THPO: variants seen among roughly 807,000 people sequenced by gnomAD.
THPO encodes the protein thrombopoietin, also known as MPL ligand.
In THPO, 12 loss-of-function variants were observed where a neutral mutation model predicts 17.0. That is an observed-to-expected ratio of 0.71 (90% CI 0.45 to 1.14). The LOEUF is 1.14. Ranked by LOEUF, THPO falls within the 50% of genes most tolerant of loss-of-function variation. THPO has a pLI of 0.00. For missense variants in THPO, 365 were observed against 427.5 expected (o/e 0.85, Z 1.29); for synonymous variants, 188 against 183.0 (o/e 1.03, Z -0.22).
chr3:184,376,321 T>C lies in THPO; in HGVS notation c.-62A>G. 6.2e-7 allele frequency: 1 copy of C among 1,614,140 alleles called. No individual in the cohort carries two copies. Among genetic ancestry groups the C allele is most frequent in the Non-Finnish European group, 8.5e-7 (1 of 1,180,018 alleles). On this transcript the variant is annotated 5_prime_UTR_variant, in exon 2 of 6. Transcript: ENST00000647395. ...TGGGGCCTCTCCCCTGAATCCTTCCTGGGGCCATGGAGGCGGCTTAGGCTC... is the reference window on the plus strand; with the variant it reads ...TGGGGCCTCTCCCCTGAATCCTTCCCGGGGCCATGGAGGCGGCTTAGGCTC...
chr3:184,376,283 G>A lies in THPO; in HGVS notation c.-24C>T, dbSNP rs763130513. Reference sequence around the variant, plus strand: ...ATTCTGGCCGGGGTGTCTGGCTGGCGTGGCTCCCTGTTTGGGGCCTCTCCC... The same window carrying A: ...ATTCTGGCCGGGGTGTCTGGCTGGCATGGCTCCCTGTTTGGGGCCTCTCCC... On this transcript the variant is annotated 5_prime_UTR_variant, in exon 2 of 6. The change creates a new upstream start codon in the 5' untranslated region. Coordinates refer to ENST00000647395, the MANE Select transcript of THPO (RefSeq NM_000460.4). 56 of 1,614,090 alleles carry A rather than the reference G, an allele frequency of 3.5e-5. No homozygotes were observed. The highest frequency in any genetic ancestry group is 4.0e-5 in the Non-Finnish European group (47 of 1,180,050).
intron 4 of THPO, 84 bp downstream of exon 4, chr3:184,375,431 C>G (rs886839008): frequency 7.0e-7 from 1 of 1,424,922 alleles, no homozygotes; most frequent in African/African-American, 1.4e-5. Context: ...TTAAAAAGCT[C>G]AAGAATGTTG....
chr3:184,378,663 T>C (rs1428354579), upstream of THPO: 4 of 391,574 alleles, frequency 1.0e-5, no homozygotes, highest in Non-Finnish European at 1.4e-5. Context: ...CTGTTATGGG[T>C]TGGTGTTATG....
At chr3:184,379,638 C>G (rs1425572140), upstream of THPO, among the ~76,000 whole-genome samples, 1 of 152,142 alleles carries the variant, frequency 6.6e-6, no homozygotes, top group Non-Finnish European at 1.5e-5. Context: ...ATCCTTCGGG[C>G]GGAACCGGGT....
Position 184,372,607 on chromosome 3 carries a change from A to AGGGGGTGGAGCTGGACCAC in THPO, c.949_967dup (p.Leu323ArgfsTer10). ...CGTTGGAGCAGAAGGGTCAGGAAGC[A>AGGGGGTGGAGCTGGACCAC]GGGGGTGGAGCTGGACCACAGGGGT... On this transcript the variant is annotated frameshift_variant, in exon 6 of 6. Coordinates refer to ENST00000647395, the MANE Select transcript of THPO (RefSeq NM_000460.4). LOFTEE classifies it low-confidence loss of function (END_TRUNC). 2 of 1,613,680 alleles carry AGGGGGTGGAGCTGGACCAC rather than the reference A, an allele frequency of 1.2e-6. No homozygotes were observed. The highest frequency in any genetic ancestry group is 1.7e-6 in the Non-Finnish European group (2 of 1,179,798).
intron 4 of THPO, 39 bp from the exon 5 acceptor site, chr3:184,373,621 AG>A (rs1239524947): frequency 1.8e-5 from 29 of 1,610,528 alleles, no homozygotes; most frequent in Non-Finnish European, 2.4e-5. Flanking sequence ...ACTGCCTCAA[AG>A]GGCACACTAA....
upstream of THPO, chr3:184,378,857 C>A: frequency 1.0e-6 from 1 of 985,420 alleles, no homozygotes. Flanking sequence ...CGTCTTCCAT[C>A]TCCTACCGTT....
In THPO at chr3:184,373,431, C is replaced by G. The variant is rs755952193; in HGVS notation, c.380G>C (p.Ser127Thr). 2.5e-6 allele frequency: 4 copies of G among 1,614,054 alleles called. No homozygotes were observed. The highest frequency in any genetic ancestry group is 1.7e-6 in the Non-Finnish European group (2 of 1,180,000). ...GGGACTTACCTGGGTTCCAAGGAGG[C>G]TCTGCAGGGCCCCAAGGAGGAGACG... ...QVRLLLGALQ[S>T]LLGTQLPPQG... Residue 127 changes from serine (S) to threonine (T), a missense_variant, in exon 5 of 6, where the codon AGC becomes ACC. Transcript: ENST00000647395.
In THPO at chr3:184,372,614, G is replaced by A. The variant is rs762922561; in HGVS notation, c.961C>T (p.His321Tyr). 5.0e-6 allele frequency: 8 copies of A among 1,613,792 alleles called. No individual in the cohort carries two copies. In the African/African-American group the frequency reaches 6.7e-5, roughly 13 times the overall value. ...GCAGAAGGGTCAGGAAGCAGGGGGTGGAGCTGGACCACAGGGGTGGGCAAG... is the reference window on the plus strand; with the variant it reads ...GCAGAAGGGTCAGGAAGCAGGGGGTAGAGCTGGACCACAGGGGTGGGCAAG... ...PTLPTPVVQL[H>Y]PLLPDPSAPT... Residue 321 changes from histidine (H) to tyrosine (Y), a missense_variant, in exon 6 of 6, where the codon CAC becomes TAC. Transcript: ENST00000647395.
In THPO at chr3:184,375,870, A is replaced by G. The variant is rs1352709866; in HGVS notation, c.141+18T>C. 1.2e-6 allele frequency: 2 copies of G among 1,612,510 alleles called. No individual in the cohort carries two copies. Among genetic ancestry groups the G allele is most frequent in the African/African-American group, 1.3e-5 (1 of 74,772 alleles). ...TACCAGTTACGCGGATAAAGGGGATAATGTTGGGAGTTCTCACCAGTCTGC... is the reference window on the plus strand; with the variant it reads ...TACCAGTTACGCGGATAAAGGGGATGATGTTGGGAGTTCTCACCAGTCTGC... On this transcript the variant is annotated intron_variant, in intron 3 of 5. Coordinates refer to ENST00000647395, the MANE Select transcript of THPO (RefSeq NM_000460.4).
At chr3:184,373,374 G>T in intron 5 of THPO, 41 bp downstream of exon 5, 1 of 1,612,618 alleles carries the variant, frequency 6.2e-7, no homozygotes, top group Non-Finnish European at 8.5e-7. Context: ...GACTGAGTCA[G>T]AAAAGAACAG....
At chr3:184,374,278 G>T (rs1160546092) in intron 4 of THPO, among the ~76,000 whole-genome samples, 2 of 152,122 alleles carry the variant, frequency 1.3e-5, no homozygotes, top group African/African-American at 4.8e-5. Flanking sequence ...CTACCATAAT[G>T]ATCATAAGGA....
chr3:184,376,909 T>C (rs1234733150), intron 1 of THPO, among the ~76,000 whole-genome samples: 1 of 152,094 alleles, frequency 6.6e-6, no homozygotes, highest in East Asian at 1.9e-4. Context: ...GTCTCCTTTT[T>C]GTCAGGACTC....
intron 1 of THPO, among the ~76,000 whole-genome samples, chr3:184,377,418 C>T (rs1157553121): frequency 1.3e-5 from 2 of 152,208 alleles, no homozygotes; most frequent in African/African-American, 4.8e-5. Flanking sequence ...CGGGCACCTG[C>T]TGGGTGATGC....
Position 184,375,587 on chromosome 3 carries a change from C to T in THPO, c.156G>A (p.Glu52=). 6.2e-7 allele frequency: 1 copy of T among 1,614,160 alleles called. No homozygotes were observed. Among genetic ancestry groups the T allele is most frequent in the Non-Finnish European group, 8.5e-7 (1 of 1,180,036 alleles). Residue 52 remains glutamate, a synonymous_variant, in exon 4 of 6, where the codon GAG becomes GAA. Transcript: ENST00000647395. The stretch of plus-strand genomic sequence containing the variant: ...GGACAGGTGTAGGCAAAGGGTGAAC[C>T]TCTGGGCACTGGCTCTGTTGAAAAA... ...VLHSRLSQCP[E]VHPLPTPVLL...
chr3:184,372,663 A>G lies in THPO; in HGVS notation c.912T>C (p.Tyr304=). ...AGGTGGGTGGAAGAGGGAAGAGCGT[A>G]TACTGTCCAGTAGGAGGATGGGTTG... ...PSPTHPPTGQ[Y]TLFPLPPTLP... Residue 304 remains tyrosine (Y), a synonymous_variant, in exon 6 of 6, where the codon TAT becomes TAC. Coordinates refer to ENST00000647395, the MANE Select transcript of THPO (RefSeq NM_000460.4). 2 of 1,613,000 alleles carry G rather than the reference A, an allele frequency of 1.2e-6. No homozygotes were observed. Among genetic ancestry groups the G allele is most frequent in the Middle Eastern group, 3.3e-4 (2 of 6,058 alleles).
intron 2 of THPO, 98 bp downstream of exon 2, chr3:184,376,149 G>A (rs1013566913): frequency 3.1e-6 from 5 of 1,611,198 alleles, no homozygotes; most frequent in Non-Finnish European, 4.2e-6. Flanking sequence ...TTGGGAGAAT[G>A]GGTTCCCCCA....
upstream of THPO, chr3:184,378,722 G>T: frequency 2.3e-6 from 2 of 851,568 alleles, no homozygotes; most frequent in Non-Finnish European, 2.8e-6. Context: ...CGGGGCACAT[G>T]TATGTGCGCA....
intron 1 of THPO, 64 bp downstream of exon 1, chr3:184,378,011 G>A (rs1714563597): frequency 2.0e-6 from 2 of 980,012 alleles, no homozygotes; most frequent in Non-Finnish European, 2.4e-6. Flanking sequence ...CCCCAGCTGG[G>A]AGCCCATTTC....
Sources: gnomAD v4.1 joint callset for allele counts (sites outside exome capture counted in the v4.1 genomes callset) on GRCh38, gnomAD v4.1.1 for gene constraint, MANE v1.5 for transcripts, NCBI Gene and HGNC (gene_info 2026-07-23, HGNC 2026-07-21) for gene names.